The following CNBD1 variants were observed in gnomAD, a reference collection of about 807,000 sequenced individuals.
CNBD1 encodes the protein cyclic nucleotide-binding domain-containing protein 1.
In CNBD1, 71 loss-of-function variants were observed where a neutral mutation model predicts 54.4. The ratio of observed to expected loss-of-function variants is 1.30; its 90% CI spans 1.08 to 1.59. The LOEUF is 1.59. CNBD1 is among the 40% of genes most tolerant of loss of function. The pLI is 0.00. For synonymous variants in CNBD1, 182 were observed against 170.7 expected (o/e 1.07, Z -0.51); for missense variants, 659 against 518.0 (o/e 1.27, Z -2.64).
intron 2 of CNBD1, among the ~76,000 whole-genome samples, chr8:87,421,293 C>A (rs1485162063): frequency 2.0e-5 from 3 of 149,214 alleles, no homozygotes; most frequent in Non-Finnish European, 4.5e-5. Flanking sequence ...TTATATTATA[C>A]TTTAAGTTTT....
intron 4 of CNBD1, among the ~76,000 whole-genome samples, chr8:86,940,228 G>A (rs529444812): frequency 3.5e-4 from 48 of 135,756 alleles, no homozygotes; most frequent in Non-Finnish European, 6.1e-4. Context: ...CTTCAATGGC[G>A]CAATCTCAAC....
intron 4 of CNBD1, among the ~76,000 whole-genome samples, chr8:87,056,563 A>C (rs1810420637): frequency 6.6e-6 from 1 of 152,196 alleles, no homozygotes; most frequent in Non-Finnish European, 1.5e-5. Context: ...TGAGCAATAA[A>C]TAATCACAAG....
At chr8:87,186,882 AC>A (rs1195649209) in intron 4 of CNBD1, among the ~76,000 whole-genome samples, 1 of 152,020 alleles carries the variant, frequency 6.6e-6, no homozygotes, top group Non-Finnish European at 1.5e-5. Context: ...TATACTAACC[AC>A]CTTAGCTGAC....
chr8:87,253,565 C>G (rs748995831), intron 6 of CNBD1, among the ~76,000 whole-genome samples: 1 of 152,112 alleles, frequency 6.6e-6, no homozygotes, highest in Non-Finnish European at 1.5e-5. Context: ...TTTCTTCATT[C>G]GTTCTCATAG....
intron 4 of CNBD1, among the ~76,000 whole-genome samples, chr8:87,204,775 C>A (rs1257475485): frequency 6.6e-6 from 1 of 152,064 alleles, no homozygotes. Context: ...TATTTCCTTG[C>A]CACCTCCTGT....
At chr8:86,908,235 G>A (rs1425482845) in intron 3 of CNBD1, among the ~76,000 whole-genome samples, 2 of 152,160 alleles carry the variant, frequency 1.3e-5, no homozygotes, top group African/African-American at 4.8e-5. Context: ...TGAAGAATAG[G>A]ATAAGAAGAT....
chr8:87,347,424 T>C (rs1396591285), intron 8 of CNBD1, among the ~76,000 whole-genome samples: 1 of 152,184 alleles, frequency 6.6e-6, no homozygotes, highest in Non-Finnish European at 1.5e-5. Flanking sequence ...CTTGCCTTGA[T>C]GGAGCTTGCA....
At chr8:87,364,296 C>A (rs1250401199) in intron 10 of CNBD1, among the ~76,000 whole-genome samples, 2 of 151,466 alleles carry the variant, frequency 1.3e-5, no homozygotes, top group Admixed American at 6.6e-5. Flanking sequence ...ACAATGATGA[C>A]CTTGATATTT....
intron 2 of CNBD1, among the ~76,000 whole-genome samples, chr8:87,397,390 C>A (rs540257364): frequency 6.6e-6 from 1 of 151,874 alleles, no homozygotes; most frequent in Non-Finnish European, 1.5e-5. Context: ...ACCAAATTAT[C>A]ATTTGTTTTG....
At chr8:86,952,454 G>T (rs1807650079) in intron 4 of CNBD1, among the ~76,000 whole-genome samples, 1 of 151,816 alleles carries the variant, frequency 6.6e-6, no homozygotes, top group Non-Finnish European at 1.5e-5. Flanking sequence ...TATAGACATA[G>T]TACCATTTAT....
intron 4 of CNBD1, among the ~76,000 whole-genome samples, chr8:86,962,040 G>A (rs1019556882): frequency 6.6e-6 from 1 of 152,188 alleles, no homozygotes; most frequent in Admixed American, 6.5e-5. Flanking sequence ...ATAGCTGGAA[G>A]ACAAGAACAG....
intron 4 of CNBD1, among the ~76,000 whole-genome samples, chr8:86,965,945 G>A (rs1481418594): frequency 1.3e-5 from 2 of 152,048 alleles, no homozygotes; most frequent in African/African-American, 4.8e-5. Context: ...TCAGCAGAGA[G>A]GGTACCTCCT....
chr8:86,965,953 CCT>C (rs1808061550), intron 4 of CNBD1, among the ~76,000 whole-genome samples: 1 of 152,064 alleles, frequency 6.6e-6, no homozygotes, highest in Non-Finnish European at 1.5e-5. Flanking sequence ...GAGGGTACCT[CCT>C]CTCTGCAGCT....
Position 87,130,465 on chromosome 8 carries a change from T to TA in CNBD1, c.432-75528_432-75527insA, listed in dbSNP as rs1481010571. Among the ~76,000 whole-genome samples, 3 of 152,274 alleles carry TA rather than the reference T, an allele frequency of 2.0e-5. No homozygotes were observed. The East Asian group carries it at 5.8e-4, about 29-fold the overall frequency. ...GGCCCTTCTTTGTCCTTTCTCATTT[T>TA]TTCTGGTTGTCTTTTAAAAATTCCT... On this transcript the variant is annotated intron_variant, in intron 4 of 10. Transcript: ENST00000518476.
At chr8:87,315,475 C>G (rs1397096019) in intron 8 of CNBD1, among the ~76,000 whole-genome samples, 1 of 151,672 alleles carries the variant, frequency 6.6e-6, no homozygotes, top group Non-Finnish European at 1.5e-5. Flanking sequence ...CAGGTTGTTT[C>G]CACTCATGAC....
downstream of CNBD1, among the ~76,000 whole-genome samples, chr8:87,384,925 A>T (rs1159476569): frequency 6.6e-6 from 1 of 152,200 alleles, no homozygotes. Flanking sequence ...GAGTAATAGC[A>T]GGGGAAAAGT....
At chr8:87,374,126 T>G (rs1470088621) in intron 10 of CNBD1, among the ~76,000 whole-genome samples, 1 of 151,782 alleles carries the variant, frequency 6.6e-6, no homozygotes, top group Non-Finnish European at 1.5e-5. Context: ...AAAATCAGAA[T>G]GTAGGCAATA....
intron 8 of CNBD1, among the ~76,000 whole-genome samples, chr8:87,304,042 T>A (rs1199251933): frequency 6.6e-6 from 1 of 152,230 alleles, no homozygotes; most frequent in Non-Finnish European, 1.5e-5. Flanking sequence ...TTGGTGGGAC[T>A]GTAAACTAGT....
chr8:87,069,192 T>A (rs1018601255), intron 4 of CNBD1, among the ~76,000 whole-genome samples: 1 of 152,088 alleles, frequency 6.6e-6, no homozygotes, highest in African/African-American at 2.4e-5. Context: ...TATTTCATCA[T>A]TTATCTGTTA....
Sources: gnomAD v4.1 joint callset for allele counts (sites outside exome capture counted in the v4.1 genomes callset) on GRCh38, gnomAD v4.1.1 for gene constraint, MANE v1.5 for transcripts, NCBI Gene and HGNC (gene_info 2026-07-23, HGNC 2026-07-21) for gene names.